CELF2: variants seen among roughly 807,000 people sequenced by gnomAD.
CELF2 encodes CUGBP Elav-like family member 2, also known as CUG triplet repeat RNA-binding protein 2.
Under a neutral mutation model 62.6 loss-of-function variants are expected in CELF2, and 8 were observed. The observed-to-expected ratio is 0.13, with a 90% CI of 0.07 to 0.23. The LOEUF (loss-of-function observed/expected upper bound fraction) is 0.23. CELF2 is among the 10% of genes least tolerant of loss of function. CELF2 has a pLI of 1.00. For missense variants in CELF2, 333 were observed against 671.0 expected (o/e 0.50, Z 5.56); for synonymous variants, 258 against 250.0 (o/e 1.03, Z -0.30).
At chr10:10,789,016 G>A in the CELF2 span, 1 of 152,040 alleles carries the variant, frequency 6.6e-6, no homozygotes, top group Admixed American at 6.6e-5. Context: ...CCTGTGGCTG[G>A]TCTTCAATTA....
intron 2 of CELF2, among the ~76,000 whole-genome samples, chr10:10,921,339 G>A (rs1049485838): frequency 6.6e-6 from 1 of 151,172 alleles, no homozygotes; most frequent in Non-Finnish European, 1.5e-5. Context: ...GCACGATCTC[G>A]GCTCACTGCA....
chr10:10,679,298 T>C, the CELF2 span, among the ~76,000 whole-genome samples: 1 of 152,174 alleles, frequency 6.6e-6, no homozygotes, highest in Admixed American at 6.6e-5. Context: ...ATGTTTTGTT[T>C]TTTGTTTTTG....
chr10:10,954,538 A>T (rs1056296490), intron 2 of CELF2, among the ~76,000 whole-genome samples: 4 of 152,062 alleles, frequency 2.6e-5, no homozygotes, highest in Admixed American at 1.3e-4. Flanking sequence ...GAGCCACCGC[A>T]CCTGGCCAAT....
At chr10:10,728,960 T>C in the CELF2 span, among the ~76,000 whole-genome samples, 1 of 152,246 alleles carries the variant, frequency 6.6e-6, no homozygotes, top group Non-Finnish European at 1.5e-5. Flanking sequence ...ATAATGTCAC[T>C]TTCTAAATCA....
chr10:11,111,265 C>A (rs1208156224), intron 1 of CELF2, among the ~76,000 whole-genome samples: 1 of 152,132 alleles, frequency 6.6e-6, no homozygotes, highest in Admixed American at 6.5e-5. Context: ...ATAGGCAAAT[C>A]GACCAAACAA....
chr10:10,708,978 AT>A, the CELF2 span, among the ~76,000 whole-genome samples: 1 of 152,174 alleles, frequency 6.6e-6, no homozygotes, highest in Admixed American at 6.5e-5. Flanking sequence ...GGCAAATGCT[AT>A]TTCTGGCCTG....
At chr10:10,565,316 T>A in the CELF2 span, among the ~76,000 whole-genome samples, 204 of 152,344 alleles carry the variant, frequency 1.3e-3, no homozygotes, top group African/African-American at 4.8e-3. Flanking sequence ...ATGTAACAAG[T>A]GACTGAAATA....
chr10:10,756,711 A>T, the CELF2 span, among the ~76,000 whole-genome samples: 2 of 151,722 alleles, frequency 1.3e-5, no homozygotes, highest in Non-Finnish European at 1.5e-5. Flanking sequence ...ACATCTATTC[A>T]CTCTATTCCA....
intron 2 of CELF2, among the ~76,000 whole-genome samples, chr10:10,975,588 T>A (rs2051234186): frequency 6.6e-6 from 1 of 152,246 alleles, no homozygotes; most frequent in Non-Finnish European, 1.5e-5. Flanking sequence ...GAGATCTTAG[T>A]ACTTGCATTT....
In CELF2 at chr10:11,297,834, A is replaced by G. The variant is rs1191223517; in HGVS notation, c.976+9282A>G. ...TGTCTATACTAAAAATACAAAAATT[A>G]GCCGGGTATGGTGGTGCACACCTGT... On this transcript the variant is annotated intron_variant, in intron 9 of 12. Coordinates refer to ENST00000633077, the MANE Select transcript of CELF2 (RefSeq NM_001326342.2). The surrounding 1 kb of genome is among the most constrained non-coding windows in gnomAD (Gnocchi z 4.4). 6.6e-6 allele frequency among the ~76,000 whole-genome samples: 1 copy of G among 151,976 alleles called. No homozygotes were observed. Among genetic ancestry groups the G allele is most frequent in the African/African-American group, 2.4e-5 (1 of 41,360 alleles).
At chr10:10,556,034 A>C in the CELF2 span, among the ~76,000 whole-genome samples, 1 of 152,024 alleles carries the variant, frequency 6.6e-6, no homozygotes, top group African/African-American at 2.4e-5. Context: ...CACATTTTAA[A>C]ATTTTTTTTT....
At chr10:10,698,471 T>C in the CELF2 span, among the ~76,000 whole-genome samples, 5 of 152,360 alleles carry the variant, frequency 3.3e-5, no homozygotes, top group African/African-American at 9.6e-5. Context: ...GATATACATA[T>C]GTAACATTCT....
intron 2 of CELF2, among the ~76,000 whole-genome samples, chr10:10,941,170 G>GTT (rs1368134341): frequency 6.6e-6 from 1 of 152,216 alleles, no homozygotes; most frequent in Non-Finnish European, 1.5e-5. Context: ...AGAAACAAGA[G>GTT]CAGAAGGAGC....
At chr10:11,140,853 CA>C (rs1169833422) in intron 1 of CELF2, among the ~76,000 whole-genome samples, 9 of 152,074 alleles carry the variant, frequency 5.9e-5, no homozygotes, top group Non-Finnish European at 1.2e-4. Flanking sequence ...CCCATCTCTA[CA>C]AAAAATTTAA....
chr10:10,758,260 A>G, the CELF2 span, among the ~76,000 whole-genome samples: 1 of 152,200 alleles, frequency 6.6e-6, no homozygotes, highest in East Asian at 1.9e-4. Flanking sequence ...GAGGACACAA[A>G]TGCATCCAGC....
intron 1 of CELF2, among the ~76,000 whole-genome samples, chr10:10,847,663 A>G (rs1337505376): frequency 6.6e-6 from 1 of 152,204 alleles, no homozygotes; most frequent in African/African-American, 2.4e-5. Context: ...TGTATGCAAG[A>G]GCGTGTTCAT....
the CELF2 span, among the ~76,000 whole-genome samples, chr10:10,536,859 G>T: frequency 6.6e-6 from 1 of 152,214 alleles, no homozygotes; most frequent in African/African-American, 2.4e-5. Context: ...CATCAGTTGG[G>T]ATTATTAAAA....
chr10:11,050,093 A>G (rs2063639382), intron 1 of CELF2, among the ~76,000 whole-genome samples: 1 of 152,208 alleles, frequency 6.6e-6, no homozygotes, highest in South Asian at 2.1e-4. Flanking sequence ...GGGCAGCTCC[A>G]GCTTTCTTGC....
chr10:10,808,439 G>C (rs1590623694), intron 1 of CELF2, among the ~76,000 whole-genome samples: 1 of 152,182 alleles, frequency 6.6e-6, no homozygotes, highest in Non-Finnish European at 1.5e-5. Context: ...AACCCTTTGA[G>C]ATTTTTCAAA....
Sources: gnomAD v4.1 joint callset for allele counts (sites outside exome capture counted in the v4.1 genomes callset) on GRCh38, gnomAD v4.1.1 for gene constraint, Gnocchi (gnomAD v3.1) non-coding constraint, MANE v1.5 for transcripts, NCBI Gene and HGNC (gene_info 2026-07-23, HGNC 2026-07-21) for gene names.